The following HCN1 variants were observed in gnomAD, a reference collection of about 807,000 sequenced individuals.
HCN1 encodes the protein hyperpolarization activated cyclic nucleotide gated potassium channel 1.
In HCN1, 13 loss-of-function variants were observed where a neutral mutation model predicts 78.9. The ratio of observed to expected loss-of-function variants is 0.16; its 90% CI spans 0.11 to 0.26. HCN1 has a LOEUF of 0.26. HCN1 is among the 10% of genes least tolerant of loss of function. The probability of loss-of-function intolerance (pLI) is 1.00; values close to 1 mark genes in which losing one functional copy is unlikely to be tolerated. For synonymous variants in HCN1, 552 were observed against 455.5 expected (o/e 1.21, Z -2.70); for missense variants, 810 against 1,154.3 (o/e 0.70, Z 4.32).
At chr5:45,375,848 AATATTT>A (rs1747631508) in intron 4 of HCN1, among the ~76,000 whole-genome samples, 2 of 116,926 alleles carry the variant, frequency 1.7e-5, no homozygotes, top group African/African-American at 3.7e-5. Flanking sequence ...TATATAATAT[AATATTT>A]TATGATATAT....
At chr5:45,448,571 T>G (rs1740845138) in intron 3 of HCN1, among the ~76,000 whole-genome samples, 2 of 152,168 alleles carry the variant, frequency 1.3e-5, no homozygotes, top group Non-Finnish European at 2.9e-5. Context: ...AAAAACAAAG[T>G]TTTACATTCA....
intron 2 of HCN1, among the ~76,000 whole-genome samples, chr5:45,598,604 A>G (rs1333690456): frequency 6.6e-6 from 1 of 152,236 alleles, no homozygotes; most frequent in African/African-American, 2.4e-5. Flanking sequence ...GCACGGCAAA[A>G]GAGATTACCA....
At chr5:45,550,859 TC>T (rs1743352808) in intron 2 of HCN1, among the ~76,000 whole-genome samples, 1 of 151,978 alleles carries the variant, frequency 6.6e-6, no homozygotes, top group South Asian at 2.1e-4. Flanking sequence ...AGTATAAAAC[TC>T]ATTTGTATAT....
chr5:45,570,410 T>C (rs893614138), intron 2 of HCN1, among the ~76,000 whole-genome samples: 4 of 152,166 alleles, frequency 2.6e-5, no homozygotes, highest in South Asian at 2.1e-4. Flanking sequence ...GGCAGGCCAA[T>C]TGATTATTAA....
intron 2 of HCN1, among the ~76,000 whole-genome samples, chr5:45,482,525 G>C (rs1741675503): frequency 6.6e-6 from 1 of 152,156 alleles, no homozygotes; most frequent in Non-Finnish European, 1.5e-5. Flanking sequence ...ATCAATAAAT[G>C]TAATATAGTT....
intron 4 of HCN1, among the ~76,000 whole-genome samples, chr5:45,378,148 G>A (rs1398908120): frequency 1.3e-5 from 2 of 151,822 alleles, no homozygotes; most frequent in Non-Finnish European, 2.9e-5. Flanking sequence ...AACCCAGAGA[G>A]GCAAATTCAT....
intron 6 of HCN1, among the ~76,000 whole-genome samples, chr5:45,303,288 G>A (rs759823666): frequency 3.3e-5 from 5 of 152,058 alleles, no homozygotes; most frequent in East Asian, 1.9e-4. Flanking sequence ...TGACAAAAAC[G>A]AAACAAAACA....
chr5:45,269,798 G>A (rs78370763), intron 6 of HCN1, among the ~76,000 whole-genome samples: 3 of 152,072 alleles, frequency 2.0e-5, no homozygotes, highest in East Asian at 1.9e-4. Context: ...TAAGTCACCC[G>A]CTTTCTGTTC....
intron 2 of HCN1, among the ~76,000 whole-genome samples, chr5:45,462,384 TTGTTA>T (rs1353081764): frequency 6.6e-6 from 1 of 152,160 alleles, no homozygotes; most frequent in African/African-American, 2.4e-5. Flanking sequence ...TTCTCATCTC[TTGTTA>T]TATTAATAGA....
At chr5:45,672,738 A>G (rs1057075036) in intron 1 of HCN1, among the ~76,000 whole-genome samples, 8 of 151,458 alleles carry the variant, frequency 5.3e-5, no homozygotes, top group African/African-American at 1.7e-4. Context: ...AGAGGCTTGT[A>G]GCTTTACCTA....
At chr5:45,616,538 TA>T (rs956513258) in intron 2 of HCN1, among the ~76,000 whole-genome samples, 1 of 151,978 alleles carries the variant, frequency 6.6e-6, no homozygotes, top group African/African-American at 2.4e-5. Context: ...TTACAGAAAA[TA>T]AGATTTTCTC....
At chr5:45,691,640 G>T (rs1161523257) in intron 1 of HCN1, among the ~76,000 whole-genome samples, 1 of 152,128 alleles carries the variant, frequency 6.6e-6, no homozygotes, top group African/African-American at 2.4e-5. Context: ...AATAAGCATT[G>T]CTGGCAGATA....
chr5:45,589,038 G>C (rs1381841692), intron 2 of HCN1, among the ~76,000 whole-genome samples: 1 of 152,122 alleles, frequency 6.6e-6, no homozygotes, highest in Non-Finnish European at 1.5e-5. Context: ...GACAACAGTG[G>C]TTCTGAGAGA....
chr5:45,440,263 A>G (rs1434253070), intron 3 of HCN1, among the ~76,000 whole-genome samples: 1 of 152,084 alleles, frequency 6.6e-6, no homozygotes, highest in Non-Finnish European at 1.5e-5. Flanking sequence ...GAACAAATTC[A>G]ATTAGAATGT....
chr5:45,275,953 C>T (rs1220894034), intron 6 of HCN1, among the ~76,000 whole-genome samples: 1 of 152,076 alleles, frequency 6.6e-6, no homozygotes, highest in Non-Finnish European at 1.5e-5. Flanking sequence ...ATTATAAATG[C>T]CTTTAAAATG....
chr5:45,645,658 T>G, intron 1 of HCN1, 50 bp from the exon 2 acceptor site: 1 of 1,216,074 alleles, frequency 8.2e-7, no homozygotes, highest in Non-Finnish European at 1.2e-6. Flanking sequence ...ATAACCAGCC[T>G]ATCCCCCCCA....
chr5:45,292,830 C>A (rs563857412), intron 6 of HCN1, among the ~76,000 whole-genome samples: 1 of 152,000 alleles, frequency 6.6e-6, no homozygotes, highest in Non-Finnish European at 1.5e-5. Context: ...CCCATCTACT[C>A]ATTCTTTATA....
chr5:45,561,373 T>A (rs964443553), intron 2 of HCN1, among the ~76,000 whole-genome samples: 6 of 151,944 alleles, frequency 3.9e-5, no homozygotes, highest in Non-Finnish European at 8.8e-5. Flanking sequence ...ACAAATGCAA[T>A]CAATTTAGAG....
chr5:45,507,344 A>G (rs867675718), intron 2 of HCN1, among the ~76,000 whole-genome samples: 3 of 152,228 alleles, frequency 2.0e-5, no homozygotes, highest in African/African-American at 7.2e-5. Context: ...TTTCCATGCA[A>G]TGCTGCCACT....
Sources: gnomAD v4.1 joint callset for allele counts (sites outside exome capture counted in the v4.1 genomes callset) on GRCh38, gnomAD v4.1.1 for gene constraint, MANE v1.5 for transcripts, NCBI Gene and HGNC (gene_info 2026-07-23, HGNC 2026-07-21) for gene names.